The following DAB2IP variants were observed in gnomAD, a reference collection of about 807,000 sequenced individuals.
DAB2IP encodes DAB2 interacting protein.
Under a neutral mutation model 107.2 loss-of-function variants are expected in DAB2IP, and 28 were observed. That is an observed-to-expected ratio of 0.26 (90% CI 0.19 to 0.36). The LOEUF (loss-of-function observed/expected upper bound fraction) is 0.36, where lower values mean the gene tolerates loss of function less well. DAB2IP is among the 10% of genes least tolerant of loss of function. DAB2IP has a pLI of 1.00. For missense variants in DAB2IP, 1,400 were observed against 1,644.7 expected (o/e 0.85, Z 2.57); for synonymous variants, 755 against 706.4 (o/e 1.07, Z -1.09).
chr9:121,720,180 G>C (rs972226139), intron 3 of DAB2IP, among the ~76,000 whole-genome samples: 4 of 152,158 alleles, frequency 2.6e-5, no homozygotes, highest in Non-Finnish European at 5.9e-5. Context: ...CCCGTGTCTG[G>C]GTCCTGTAGC....
At chr9:121,594,750 A>T (rs1237492501) in intron 1 of DAB2IP, among the ~76,000 whole-genome samples, 1 of 152,234 alleles carries the variant, frequency 6.6e-6, no homozygotes, top group East Asian at 1.9e-4. Context: ...GGAAGAGCTC[A>T]CAGTCTGCTC....
chr9:121,717,191 T>C (rs1830652046), intron 3 of DAB2IP, among the ~76,000 whole-genome samples: 1 of 152,160 alleles, frequency 6.6e-6, no homozygotes, highest in Non-Finnish European at 1.5e-5. Flanking sequence ...CCACATCGGC[T>C]CAGGGGCCAG....
At chr9:121,576,373 TTG>T (rs1830056797) in intron 1 of DAB2IP, among the ~76,000 whole-genome samples, 1 of 152,010 alleles carries the variant, frequency 6.6e-6, no homozygotes, top group East Asian at 1.9e-4. Flanking sequence ...TCCCTTACCT[TTG>T]CACTTGCTCT....
At chr9:121,741,026 C>G (rs1832302398) in intron 3 of DAB2IP, among the ~76,000 whole-genome samples, 1 of 152,070 alleles carries the variant, frequency 6.6e-6, no homozygotes, top group African/African-American at 2.4e-5. Context: ...GTTAAGGCAC[C>G]CAGGTCTCCT....
At chr9:121,617,212 C>G (rs1465953246) in intron 1 of DAB2IP, among the ~76,000 whole-genome samples, 1 of 152,138 alleles carries the variant, frequency 6.6e-6, no homozygotes, top group East Asian at 1.9e-4. Flanking sequence ...GTAATCCCAG[C>G]TACTCAGGAA....
chr9:121,642,488 C>CT (rs59223844), intron 1 of DAB2IP, among the ~76,000 whole-genome samples: 2,158 of 131,124 alleles, frequency 0.016, 45 homozygotes, highest in African/African-American at 0.039. Flanking sequence ...GCTTTTTTTT[C>CT]TTTTTTTTTT....
exon 16 of DAB2IP, chr9:121,783,373 GGGGCCC>G: frequency 6.6e-7 from 1 of 1,521,282 alleles, no homozygotes; most frequent in Non-Finnish European, 8.8e-7. Context: ...GCCTTCTCCT[GGGGCCC>G]AGCACACCCA....
In DAB2IP at chr9:121,699,159, C is replaced by CGGCG. The variant is rs906259814; in HGVS notation, c.229-156_229-153dup. Among the ~76,000 whole-genome samples, 2 of 144,568 alleles carry CGGCG rather than the reference C, an allele frequency of 1.4e-5. No individual in the cohort carries two copies. Among genetic ancestry groups the CGGCG allele is most frequent in the African/African-American group, 5.0e-5 (2 of 40,046 alleles). 94.8% of individuals were successfully genotyped at this position (144,568 alleles called of 152,430 possible). ...GCGGGCCGGGCCGTCGGCGCTCGGT[C>CGGCG]GGCGGGCGGGCGGCGCGGGCCGCGA... On this transcript the variant is annotated intron_variant, in intron 2 of 15. Transcript: ENST00000408936. The surrounding 1 kb of genome is among the most constrained non-coding windows in gnomAD (Gnocchi z 6.2).
At chr9:121,672,057 A>C (rs1170438271) in intron 1 of DAB2IP, among the ~76,000 whole-genome samples, 1 of 152,250 alleles carries the variant, frequency 6.6e-6, no homozygotes, top group East Asian at 1.9e-4. Context: ...TGTTCTGTGC[A>C]TCTCTGCCAA....
chr9:121,732,764 G>A (rs1193578713), intron 3 of DAB2IP, among the ~76,000 whole-genome samples: 3 of 152,198 alleles, frequency 2.0e-5, no homozygotes, highest in African/African-American at 4.8e-5. Flanking sequence ...AGCGATGTGA[G>A]CTTGGGCAAC....
chr9:121,568,152 T>G lies in DAB2IP; in HGVS notation c.40+924T>G, dbSNP rs549810691. On this transcript the variant is annotated intron_variant, in intron 1 of 16. Transcript: ENST00000259371. ...GGTCCTCCTGAGACCACAGTTCTAC[T>G]AAGAAAACCAAGTGCTTGTTTCTCC... is the stretch of plus-strand genomic sequence containing the variant. Among the ~76,000 whole-genome samples the G allele has an allele frequency of 3.7e-4, 57 of 152,268 alleles. 1 individual carries two copies. The highest frequency in any genetic ancestry group is 3.7e-3 in the Admixed American group (56 of 15,298).
intron 3 of DAB2IP, among the ~76,000 whole-genome samples, chr9:121,708,426 G>A (rs371445015): frequency 2.6e-4 from 39 of 152,346 alleles, no homozygotes; most frequent in African/African-American, 7.0e-4. Context: ...GCCCCCTTCT[G>A]TGCTTGCACT....
intron 2 of DAB2IP, among the ~76,000 whole-genome samples, chr9:121,687,620 G>A (rs1182521698): frequency 6.6e-6 from 1 of 152,318 alleles, no homozygotes; most frequent in South Asian, 2.1e-4. Flanking sequence ...CTGTCTGTAC[G>A]ATGGGGGATT....
chr9:121,647,681 G>A (rs1462768474), upstream of DAB2IP, among the ~76,000 whole-genome samples: 1 of 152,134 alleles, frequency 6.6e-6, no homozygotes, highest in Non-Finnish European at 1.5e-5. Context: ...CAGGAGGGGG[G>A]TGTCTCTCCT....
At chr9:121,671,698 C>T (rs1322626875) in intron 1 of DAB2IP, among the ~76,000 whole-genome samples, 1 of 152,120 alleles carries the variant, frequency 6.6e-6, no homozygotes, top group Non-Finnish European at 1.5e-5. Flanking sequence ...TTTCACTCGA[C>T]ATCATATTTC....
rs542945640 is a variant in DAB2IP, at chr9:121,771,477, A to G, written c.2078+753A>G. Among the ~76,000 whole-genome samples the G allele has an allele frequency of 1.4e-4, 21 of 152,186 alleles. No individual in the cohort carries two copies. In the South Asian group the frequency reaches 1.9e-3, roughly 14 times the overall value. On this transcript the variant is annotated intron_variant, in intron 11 of 15. Transcript: ENST00000408936. The stretch of plus-strand genomic sequence containing the variant: ...CTTTTAAGCAGGGGAGGGTGCTGAG[A>G]TCAAGAACCTGGGGTTAGGGGAGCC...
chr9:121,731,818 T>C (rs1589599762), intron 3 of DAB2IP, among the ~76,000 whole-genome samples: 1 of 152,170 alleles, frequency 6.6e-6, no homozygotes, highest in Non-Finnish European at 1.5e-5. Context: ...CACGATATTA[T>C]TGCTGATCTC....
exon 12 of DAB2IP, chr9:121,773,480 G>C: frequency 6.6e-7 from 1 of 1,512,872 alleles, no homozygotes; most frequent in African/African-American, 1.4e-5. Context: ...TGAAGCCACG[G>C]GCAGTGCACA....
In DAB2IP at chr9:121,774,162, C is replaced by T. The variant is rs997472050; in HGVS notation, c.2968-98C>T. The T allele has an allele frequency of 3.0e-6, 4 of 1,343,626 alleles. No individual in the cohort carries two copies. The African/African-American group carries it at 6.1e-5, about 20-fold the overall frequency. The allele number at this position is 1,343,626 out of a possible 1,614,324, so 83.2% of individuals were successfully genotyped here. On this transcript the variant is annotated intron_variant, in intron 12 of 15. Transcript: ENST00000408936. The stretch of plus-strand genomic sequence containing the variant: ...GGAGGTCCCCTCTTCCCACCGTGTC[C>T]CAGAGTTGCTTGTCCTTGTGGCTCA...
Sources: gnomAD v4.1 joint callset for allele counts (sites outside exome capture counted in the v4.1 genomes callset) on GRCh38, gnomAD v4.1.1 for gene constraint, Gnocchi (gnomAD v3.1) non-coding constraint, MANE v1.5 for transcripts, NCBI Gene and HGNC (gene_info 2026-07-23, HGNC 2026-07-21) for gene names.